Variants in PMM2 observed in about 807,000 individuals in gnomAD.
PMM2 encodes phosphomannomutase 2.
In PMM2, 35 loss-of-function variants were observed where a neutral mutation model predicts 33.2. The ratio of observed to expected loss-of-function variants is 1.06; its 90% CI spans 0.81 to 1.40. PMM2 has a LOEUF of 1.40. PMM2 is among the 40% of genes most tolerant of loss of function. The pLI is 0.00. For missense variants in PMM2, 386 were observed against 306.0 expected (o/e 1.26, Z -1.95); for synonymous variants, 153 against 114.7 (o/e 1.33, Z -2.13).
In PMM2 at chr16:8,847,576, T is replaced by A. The variant is rs919319115; in HGVS notation, c.640-148T>A. On this transcript the variant is annotated intron_variant, in intron 7 of 7. Transcript: ENST00000268261. ...AATAACAATTGTACTCACGTTCCTC[T>A]CCTGGAAACTAAGAGGAAGGTAGCT... 238 of 688,866 alleles carry A rather than the reference T, an allele frequency of 3.5e-4. 1 individual carries two copies. Among genetic ancestry groups the A allele is most frequent in the Non-Finnish European group, 6.9e-5 (26 of 377,676 alleles). The allele number at this position is 688,866 out of a possible 1,614,324, so 42.7% of individuals were successfully genotyped here. A position where few individuals can be genotyped will look rare whatever the true frequency, so the allele number is the denominator to read the frequency against.
chr16:8,831,912 T>C (rs540950220), intron 7 of PMM2, among the ~76,000 whole-genome samples: 2 of 152,204 alleles, frequency 1.3e-5, no homozygotes, highest in Non-Finnish European at 2.9e-5. Context: ...TCGTTCATTC[T>C]TCCCTCCCCC....
At chr16:8,830,228 G>C (rs1277357439) in intron 7 of PMM2, among the ~76,000 whole-genome samples, 1 of 152,186 alleles carries the variant, frequency 6.6e-6, no homozygotes, top group Non-Finnish European at 1.5e-5. Flanking sequence ...GGTTGGGGAG[G>C]CTACTGAATC....
At chr16:8,832,517 A>G (rs2060816803) in intron 7 of PMM2, 1 of 985,398 alleles carries the variant, frequency 1.0e-6, no homozygotes, top group Non-Finnish European at 1.2e-6. Flanking sequence ...TGCATGTGAC[A>G]TCTGCAGGGA....
chr16:8,847,339 C>G (rs182115811), intron 7 of PMM2, among the ~76,000 whole-genome samples: 1 of 149,574 alleles, frequency 6.7e-6, no homozygotes, highest in African/African-American at 2.5e-5. Flanking sequence ...GCCCTCCTGA[C>G]GCTCCCTTGT....
intron 4 of PMM2, among the ~76,000 whole-genome samples, chr16:8,807,226 C>T (rs538977893): frequency 3.2e-4 from 48 of 148,120 alleles, no homozygotes; most frequent in African/African-American, 1.0e-3. Flanking sequence ...AGGCTGATAT[C>T]GAACTCCCAA....
chr16:8,812,063 C>A (rs1208228850), intron 6 of PMM2, among the ~76,000 whole-genome samples: 1 of 152,146 alleles, frequency 6.6e-6, no homozygotes, highest in Non-Finnish European at 1.5e-5. Flanking sequence ...ATAGTGAACT[C>A]CATAAGGGAG....
intron 7 of PMM2, among the ~76,000 whole-genome samples, chr16:8,828,978 G>C (rs1206035158): frequency 6.6e-6 from 1 of 152,126 alleles, no homozygotes; most frequent in East Asian, 1.9e-4. Context: ...CTTTGTCTTT[G>C]TTTTTCTTTT....
intron 7 of PMM2, among the ~76,000 whole-genome samples, chr16:8,833,748 G>A (rs1466691046): frequency 1.3e-4 from 19 of 151,878 alleles, no homozygotes; most frequent in African/African-American, 4.4e-4. Context: ...GAAACTAAAT[G>A]GAATAAGAGA....
chr16:8,804,198 C>T (rs2060633728), intron 2 of PMM2, among the ~76,000 whole-genome samples: 1 of 151,460 alleles, frequency 6.6e-6, no homozygotes, highest in Non-Finnish European at 1.5e-5. Flanking sequence ...ACCACCATGC[C>T]TGGCTAATTT....
chr16:8,803,624 C>T (rs2060628083), intron 2 of PMM2, among the ~76,000 whole-genome samples: 1 of 152,222 alleles, frequency 6.6e-6, no homozygotes, highest in South Asian at 2.1e-4. Flanking sequence ...AGGTTGACAA[C>T]ATGGATAGTT....
At chr16:8,833,292 G>T (rs367729196) in intron 7 of PMM2, among the ~76,000 whole-genome samples, 5 of 152,174 alleles carry the variant, frequency 3.3e-5, no homozygotes, top group African/African-American at 9.7e-5. Flanking sequence ...AAGGGTGGGG[G>T]AGATTACAAA....
intron 2 of PMM2, chr16:8,802,455 C>T: frequency 2.8e-6 from 1 of 360,658 alleles, no homozygotes; most frequent in Non-Finnish European, 5.5e-6. Flanking sequence ...TTATTGTAAA[C>T]TATCCGATTA....
chr16:8,841,203 T>C (rs1236320626), intron 7 of PMM2, among the ~76,000 whole-genome samples: 1 of 151,068 alleles, frequency 6.6e-6, no homozygotes, highest in Non-Finnish European at 1.5e-5. Flanking sequence ...TTCCACTGAA[T>C]ACTAAGAGCC....
intron 7 of PMM2, among the ~76,000 whole-genome samples, chr16:8,827,827 T>C (rs1275867851): frequency 2.1e-4 from 21 of 99,024 alleles, no homozygotes; most frequent in South Asian, 6.5e-4. Flanking sequence ...TAATATATAT[T>C]ATATATATTG....
intron 7 of PMM2, among the ~76,000 whole-genome samples, chr16:8,846,051 CTG>C (rs751504893): frequency 1.3e-5 from 2 of 152,172 alleles, no homozygotes; most frequent in South Asian, 2.1e-4. Flanking sequence ...TGGTACAAAA[CTG>C]TGTAAGGCCA....
intron 7 of PMM2, among the ~76,000 whole-genome samples, chr16:8,834,999 G>A (rs1223556369): frequency 2.0e-5 from 3 of 152,034 alleles, no homozygotes; most frequent in African/African-American, 2.4e-5. Context: ...GAAAGTATAT[G>A]CATCAGGTAT....
At chr16:8,816,251 C>T (rs577960822) in intron 7 of PMM2, among the ~76,000 whole-genome samples, 1 of 151,952 alleles carries the variant, frequency 6.6e-6, no homozygotes, top group African/African-American at 2.4e-5. Context: ...CTCAGCCTCC[C>T]GAGTAGCTGG....
chr16:8,846,677 C>T (rs2060927720), intron 7 of PMM2, among the ~76,000 whole-genome samples: 1 of 152,114 alleles, frequency 6.6e-6, no homozygotes, highest in South Asian at 2.1e-4. Flanking sequence ...CAAGGTGTGA[C>T]CCCAACCATC....
chr16:8,835,368 T>C (rs1294394453), intron 7 of PMM2, among the ~76,000 whole-genome samples: 3 of 151,868 alleles, frequency 2.0e-5, no homozygotes, highest in African/African-American at 7.3e-5. Flanking sequence ...TGGGCTTGAC[T>C]GAAGTAGTGG....
Sources: gnomAD v4.1 joint callset for allele counts (sites outside exome capture counted in the v4.1 genomes callset) on GRCh38, gnomAD v4.1.1 for gene constraint, MANE v1.5 for transcripts, NCBI Gene and HGNC (gene_info 2026-07-23, HGNC 2026-07-21) for gene names.